Variants in TENM3 observed in about 807,000 individuals in gnomAD.
TENM3 encodes teneurin-3.
A neutral mutation model predicts 255.1 loss-of-function variants in TENM3; 63 were observed. That is an observed-to-expected ratio of 0.25 (90% CI 0.20 to 0.30). The LOEUF is 0.30. Among genes scored for constraint, TENM3 ranks in the 10% least tolerant of loss-of-function variants. TENM3 has a pLI of 1.00. For synonymous variants in TENM3, 1,306 were observed against 1,322.3 expected (o/e 0.99, Z 0.27); for missense variants, 2,929 against 3,461.1 (o/e 0.85, Z 3.86).
chr4:182,287,801 TA>T (rs1349486459), intron 1 of TENM3, among the ~76,000 whole-genome samples: 5 of 151,514 alleles, frequency 3.3e-5, no homozygotes, highest in Non-Finnish European at 7.4e-5. Context: ...GTATTTTTAG[TA>T]AAGAGGTGGT....
chr4:181,714,329 C>T, the TENM3 span, among the ~76,000 whole-genome samples: 2 of 152,126 alleles, frequency 1.3e-5, no homozygotes, highest in African/African-American at 4.8e-5. Flanking sequence ...GTAGTCCCAG[C>T]TACTTGGGAG....
chr4:182,195,951 A>G (rs1200358533), intron 1 of TENM3, among the ~76,000 whole-genome samples: 1 of 152,172 alleles, frequency 6.6e-6, no homozygotes, highest in Non-Finnish European at 1.5e-5. Flanking sequence ...AGCAGCTTGT[A>G]GGTTTGAAAT....
At chr4:181,988,155 C>T in the TENM3 span, among the ~76,000 whole-genome samples, 1 of 152,050 alleles carries the variant, frequency 6.6e-6, no homozygotes, top group Non-Finnish European at 1.5e-5. Flanking sequence ...TTTCATCTAC[C>T]GCCTTCCTTC....
In TENM3 at chr4:182,795,476, C is replaced by T. The variant is rs1238920997; in HGVS notation, c.7214-1161C>T. On this transcript the variant is annotated intron_variant, in intron 26 of 27. Transcript: ENST00000511685. ...TGTGTGAACCACTTAGGATTTATGT[C>T]TCCCCACCACCACTACTACCACCCC... Among the ~76,000 whole-genome samples the T allele has an allele frequency of 3.3e-5, 5 of 152,272 alleles. 1 individual carries two copies. Among genetic ancestry groups the T allele is most frequent in the Admixed American group, 3.3e-4 (5 of 15,294 alleles).
intron 1 of TENM3, among the ~76,000 whole-genome samples, chr4:182,216,286 A>G (rs1361785264): frequency 6.6e-6 from 1 of 152,250 alleles, no homozygotes; most frequent in East Asian, 1.9e-4. Flanking sequence ...AAATTACTGC[A>G]CATGTGTGAA....
At chr4:181,813,056 C>A in the TENM3 span, among the ~76,000 whole-genome samples, 1 of 152,302 alleles carries the variant, frequency 6.6e-6, no homozygotes, top group African/African-American at 2.4e-5. Context: ...GGCTTACAAA[C>A]AACAGAAATG....
chr4:182,284,605 C>T (rs959024565), intron 1 of TENM3, among the ~76,000 whole-genome samples: 3 of 152,116 alleles, frequency 2.0e-5, no homozygotes, highest in African/African-American at 7.2e-5. Context: ...GCTAAATAGA[C>T]TAACGCTGTT....
chr4:182,381,033 G>T (rs890483609), intron 3 of TENM3, among the ~76,000 whole-genome samples: 2 of 152,180 alleles, frequency 1.3e-5, no homozygotes, highest in African/African-American at 4.8e-5. Context: ...TGACGCTGAC[G>T]GGCAGTCTTC....
chr4:181,554,955 C>G, the TENM3 span, among the ~76,000 whole-genome samples: 1 of 152,178 alleles, frequency 6.6e-6, no homozygotes, highest in Non-Finnish European at 1.5e-5. Flanking sequence ...CGTCTCTGCA[C>G]TTAGCCAGAT....
the TENM3 span, among the ~76,000 whole-genome samples, chr4:181,840,003 C>G: frequency 2.0e-5 from 3 of 152,056 alleles, no homozygotes; most frequent in African/African-American, 7.2e-5. Context: ...TCTTCCTCTT[C>G]TTCTGAAACT....
intron 1 of TENM3, among the ~76,000 whole-genome samples, chr4:182,287,666 T>G (rs1446841274): frequency 6.6e-6 from 1 of 150,810 alleles, no homozygotes; most frequent in African/African-American, 2.5e-5. Context: ...CAGGCTGGAG[T>G]GCAGTGGCGC....
chr4:181,671,510 A>C, the TENM3 span, among the ~76,000 whole-genome samples: 2 of 152,040 alleles, frequency 1.3e-5, no homozygotes, highest in African/African-American at 4.8e-5. Flanking sequence ...CACCTGTCTG[A>C]GTTTCTGTTT....
At chr4:182,472,020 G>A (rs986338508) in intron 3 of TENM3, among the ~76,000 whole-genome samples, 6 of 151,958 alleles carry the variant, frequency 3.9e-5, no homozygotes, top group East Asian at 1.9e-4. Flanking sequence ...ATACCTAGGG[G>A]GAAATTTGTT....
intron 1 of TENM3, among the ~76,000 whole-genome samples, chr4:182,253,307 A>G (rs1579907115): frequency 1.3e-5 from 2 of 152,138 alleles, no homozygotes; most frequent in African/African-American, 4.8e-5. Flanking sequence ...CCATATCTCT[A>G]CTAAAAATAC....
In TENM3 at chr4:182,600,920, T is replaced by TTTC; in HGVS notation, c.512-4_512-3insTTC. On this transcript the variant is annotated splice_region_variant and splice_polypyrimidine_tract_variant and intron_variant, in intron 3 of 27. Transcript: ENST00000511685. ...TTCTTTTTTTTTTTTTTTTTTTTTT[T>TTTC]CAGAGCAACCTGCAAGCAATCAAGG... 1 of 1,030,984 alleles carries TTTC rather than the reference T, an allele frequency of 9.7e-7. No individual in the cohort carries two copies. Among genetic ancestry groups the TTTC allele is most frequent in the Middle Eastern group, 2.7e-4 (1 of 3,652 alleles). The allele number at this position is 1,030,984 out of a possible 1,614,324, so 63.9% of individuals were successfully genotyped here. A position where few individuals can be genotyped will look rare whatever the true frequency, so the allele number is the denominator to read the frequency against.
At chr4:182,440,268 C>T (rs974689237) in intron 3 of TENM3, among the ~76,000 whole-genome samples, 3 of 152,004 alleles carry the variant, frequency 2.0e-5, no homozygotes, top group African/African-American at 7.2e-5. Context: ...CGCACCACCA[C>T]GCCCAGCTAA....
intron 3 of TENM3, among the ~76,000 whole-genome samples, chr4:182,583,233 T>C (rs1745678108): frequency 6.6e-6 from 1 of 152,106 alleles, no homozygotes; most frequent in Non-Finnish European, 1.5e-5. Context: ...ATGTTTTAAA[T>C]CAGTTATTTT....
intron 1 of TENM3, among the ~76,000 whole-genome samples, chr4:182,286,833 TG>T (rs1234002672): frequency 7.9e-5 from 12 of 152,170 alleles, no homozygotes; most frequent in African/African-American, 2.4e-4. Context: ...CCCTAGCGTG[TG>T]GTCCACTCTA....
the TENM3 span, among the ~76,000 whole-genome samples, chr4:181,472,948 G>A: frequency 4.6e-5 from 7 of 152,218 alleles, no homozygotes; most frequent in South Asian, 4.1e-4. Flanking sequence ...TGCAAACTCC[G>A]GTCATAAAAG....
Sources: gnomAD v4.1 joint callset for allele counts (sites outside exome capture counted in the v4.1 genomes callset) on GRCh38, gnomAD v4.1.1 for gene constraint, MANE v1.5 for transcripts, NCBI Gene and HGNC (gene_info 2026-07-23, HGNC 2026-07-21) for gene names.